Variants in SPECC1L observed in about 807,000 individuals in gnomAD.
The protein encoded by SPECC1L is cytospin-A.
SPECC1L carries 40 observed loss-of-function variants against 116.8 expected under a neutral mutation model. That is an observed-to-expected ratio of 0.34 (90% CI 0.27 to 0.45). The LOEUF (loss-of-function observed/expected upper bound fraction) is 0.45. Ranked by LOEUF, SPECC1L falls within the 20% of genes least tolerant of loss-of-function variation. The probability of loss-of-function intolerance (pLI) is 1.00; values close to 1 mark genes in which losing one functional copy is unlikely to be tolerated. For synonymous variants in SPECC1L, 504 were observed against 500.6 expected, an observed-to-expected ratio of 1.01 and a Z score of -0.09; for missense variants, 1,110 against 1,373.6, an observed-to-expected ratio of 0.81 and a Z score of 3.03.
intron 13 of SPECC1L, among the ~76,000 whole-genome samples, chr22:24,366,395 G>A (rs1363753640): frequency 6.6e-6 from 1 of 151,936 alleles, no homozygotes; most frequent in Non-Finnish European, 1.5e-5. Flanking sequence ...GGGTTTCACC[G>A]TGTTAGCCAG....
intron 13 of SPECC1L, among the ~76,000 whole-genome samples, chr22:24,367,966 G>T (rs2041803912): frequency 6.6e-6 from 1 of 152,112 alleles, no homozygotes; most frequent in African/African-American, 2.4e-5. Context: ...CCTTTCTCTG[G>T]GTATTCCTTG....
chr22:24,358,604 GTA>G (rs1488245593), intron 11 of SPECC1L, among the ~76,000 whole-genome samples: 1 of 152,106 alleles, frequency 6.6e-6, no homozygotes, highest in Non-Finnish European at 1.5e-5. Flanking sequence ...GACAGAGTTT[GTA>G]TACAAACTGT....
At chr22:24,317,299 G>T (rs1354238084) in intron 4 of SPECC1L, among the ~76,000 whole-genome samples, 1 of 119,962 alleles carries the variant, frequency 8.3e-6, no homozygotes, top group Non-Finnish European at 1.9e-5. Context: ...GGGGCGGCTG[G>T]CCAGGCGGGG....
intron 2 of SPECC1L, among the ~76,000 whole-genome samples, chr22:24,286,047 A>G (rs7288682): frequency 0.034 from 5,142 of 152,368 alleles, 177 homozygotes; most frequent in African/African-American, 0.083. Context: ...TCAGTAAATC[A>G]GATTCGACAG....
At chr22:24,287,516 A>G (rs938766286) in intron 2 of SPECC1L, among the ~76,000 whole-genome samples, 5 of 152,194 alleles carry the variant, frequency 3.3e-5, no homozygotes, top group Non-Finnish European at 7.3e-5. Context: ...CCGCGAGGTC[A>G]GGAACTTCTT....
At chr22:24,308,312 A>AT (rs2049542334) in intron 3 of SPECC1L, among the ~76,000 whole-genome samples, 1 of 152,206 alleles carries the variant, frequency 6.6e-6, no homozygotes, top group South Asian at 2.1e-4. Flanking sequence ...AGGATTATGT[A>AT]TTGCATTTAG....
rs867059232 is a variant in SPECC1L, at chr22:24,412,857, C to T, written c.3264+150C>T. On this transcript the variant is annotated intron_variant, in intron 16 of 16. Coordinates refer to ENST00000314328, the MANE Select transcript of SPECC1L (RefSeq NM_015330.6). ...GGGTGCTCTGGGGCCAAGGGAGGGT[C>T]CCGTCAAGGGTGGGTGCAGATGTGG... is the stretch of plus-strand genomic sequence containing the variant. 3.3e-5 allele frequency: 27 copies of T among 807,190 alleles called. No homozygotes were observed. The Middle Eastern group carries it at 1.7e-3, about 51-fold the overall frequency. The allele number at this position is 807,190 out of a possible 1,614,324, so 50.0% of individuals were successfully genotyped here.
chr22:24,336,448 A>AATAT (rs939439331), intron 9 of SPECC1L, among the ~76,000 whole-genome samples: 2 of 152,066 alleles, frequency 1.3e-5, no homozygotes, highest in Non-Finnish European at 2.9e-5. Context: ...AGAACTTTAA[A>AATAT]ATATATATGC....
At chr22:24,361,441 TC>T (rs1434338342) in intron 11 of SPECC1L, among the ~76,000 whole-genome samples, 2 of 151,366 alleles carry the variant, frequency 1.3e-5, no homozygotes, top group Admixed American at 6.6e-5. Flanking sequence ...AATGGCTCAC[TC>T]CTGTAATCCC....
At chr22:24,308,217 C>G (rs2049540682) in intron 3 of SPECC1L, among the ~76,000 whole-genome samples, 1 of 151,900 alleles carries the variant, frequency 6.6e-6, no homozygotes, top group East Asian at 1.9e-4. Context: ...AATGTATAAC[C>G]TTTCATTAAA....
chr22:24,401,608 T>G (rs1158154236), intron 14 of SPECC1L, among the ~76,000 whole-genome samples: 1 of 152,236 alleles, frequency 6.6e-6, no homozygotes, highest in Non-Finnish European at 1.5e-5. Flanking sequence ...TTCCTCTCCC[T>G]TGATTTTCCA....
intron 3 of SPECC1L, among the ~76,000 whole-genome samples, chr22:24,305,014 T>G (rs62233095): frequency 6.6e-6 from 1 of 152,332 alleles, no homozygotes; most frequent in South Asian, 2.1e-4. Context: ...TTAGACTTAC[T>G]GATGGGGGGT....
intron 2 of SPECC1L, among the ~76,000 whole-genome samples, chr22:24,281,672 G>A (rs537076102): frequency 1.6e-4 from 24 of 152,084 alleles, no homozygotes; most frequent in South Asian, 4.1e-4. Context: ...AATGTAATTC[G>A]TTTTCAAAGC....
Position 24,411,656 on chromosome 22 carries a change from A to G in SPECC1L, c.3156A>G (p.Thr1052=), listed in dbSNP as rs755516420. 5.0e-6 allele frequency: 8 copies of G among 1,614,082 alleles called. No homozygotes were observed. Among genetic ancestry groups the G allele is most frequent in the South Asian group, 3.3e-5 (3 of 91,084 alleles). The change falls in exon 15 of 17, where the codon ACA becomes ACG. Residue 1052 remains threonine, a synonymous_variant. Transcript: ENST00000314328. ...TGGCCTTCTGTGCCCTCCTGCATAC[A>G]TATCTCCCTGCCCACATTCCATATC... The part of the protein sequence containing the change: ...DGLAFCALLH[T]YLPAHIPYQE...
At chr22:24,272,281 C>T (rs938974983) in intron 1 of SPECC1L, among the ~76,000 whole-genome samples, 1 of 152,116 alleles carries the variant, frequency 6.6e-6, no homozygotes, top group African/African-American at 2.4e-5. Context: ...AGGAGAATCG[C>T]TTGAACCCGG....
At chr22:24,303,005 AT>A (rs576664461) in intron 3 of SPECC1L, among the ~76,000 whole-genome samples, 17 of 150,864 alleles carry the variant, frequency 1.1e-4, no homozygotes, top group African/African-American at 3.9e-4. Flanking sequence ...TACTATTACC[AT>A]TTTTTTTTAA....
chr22:24,295,651 G>A (rs2049245274), intron 2 of SPECC1L, among the ~76,000 whole-genome samples: 1 of 152,082 alleles, frequency 6.6e-6, no homozygotes, highest in South Asian at 2.1e-4. Context: ...AAAAAATGTT[G>A]ATTAAGAATA....
chr22:24,321,653 A>G lies in SPECC1L; in HGVS notation c.673A>G (p.Lys225Glu). 6.2e-7 allele frequency: 1 copy of G among 1,614,218 alleles called. No homozygotes were observed. Among genetic ancestry groups the G allele is most frequent in the Non-Finnish European group, 8.5e-7 (1 of 1,180,026 alleles). ...INEDHSEGDE[K>E]SEKETIMAHQ... ...TGAGGATCATTCTGAGGGTGATGAA[A>G]AATCTGAGAAGGAAACTATTATGGC... The change falls in exon 5 of 17, where the codon AAA (lysine) becomes GAA (glutamate). Residue 225 changes from lysine to glutamate, a missense_variant. Physicochemically the swap from Lys to Glu is moderately conservative, Grantham distance 56. Coordinates refer to ENST00000314328, the MANE Select transcript of SPECC1L (RefSeq NM_015330.6).
At chr22:24,410,147 T>C (rs1046169446) in intron 14 of SPECC1L, among the ~76,000 whole-genome samples, 10 of 152,190 alleles carry the variant, frequency 6.6e-5, no homozygotes, top group African/African-American at 2.2e-4. Context: ...AGAGGTGTTT[T>C]GGTTTGTGGT....
Sources: gnomAD v4.1 joint callset for allele counts (sites outside exome capture counted in the v4.1 genomes callset) on GRCh38, gnomAD v4.1.1 for gene constraint, MANE v1.5 for transcripts, NCBI Gene and HGNC (gene_info 2026-07-23, HGNC 2026-07-21) for gene names.